ENPP6: variants seen among roughly 807,000 people sequenced by gnomAD.
ENPP6 encodes glycerophosphocholine cholinephosphodiesterase ENPP6.
Under a neutral mutation model 42.0 loss-of-function variants are expected in ENPP6, and 32 were observed. That is an observed-to-expected ratio of 0.76 (90% confidence interval 0.58 to 1.02). The LOEUF is 1.02. Among genes scored for constraint, ENPP6 ranks in the 50% least tolerant of loss-of-function variants. ENPP6 has a pLI of 0.00. For missense variants in ENPP6, 552 were observed against 566.8 expected (o/e 0.97, Z 0.27); for synonymous variants, 213 against 216.0 (o/e 0.99, Z 0.12).
At chr4:184,194,088 A>G (rs1579659092) in intron 1 of ENPP6, among the ~76,000 whole-genome samples, 3 of 152,150 alleles carry the variant, frequency 2.0e-5, no homozygotes, top group African/African-American at 7.2e-5. Context: ...GAATGTGAGC[A>G]TGGTCCCCGA....
chr4:184,112,560 T>C (rs537308947), intron 6 of ENPP6, 112 bp downstream of exon 6: 5 of 1,310,436 alleles, frequency 3.8e-6, no homozygotes, highest in Admixed American at 5.3e-5. Context: ...CAACAAACGA[T>C]GCCTAAGTGA....
intron 6 of ENPP6, among the ~76,000 whole-genome samples, chr4:184,104,233 TCCCCAGATA>T (rs568815021): frequency 1.3e-4 from 20 of 152,210 alleles, no homozygotes; most frequent in Non-Finnish European, 2.8e-4. Context: ...TGTCTTGATT[TCCCCAGATA>T]TTTTGAGTCC....
chr4:184,175,417 GT>G lies in ENPP6; in HGVS notation c.242-21685del, dbSNP rs1369415406. Among the ~76,000 whole-genome samples, 4 of 152,168 alleles carry G rather than the reference GT, an allele frequency of 2.6e-5. No individual in the cohort carries two copies. In the East Asian group the frequency reaches 7.7e-4, roughly 29 times the overall value. ...AATCACTGAATGAAAGGCAGCCATTGTTTTCATTAATGGAGAGAGCATACCT... is the reference window on the plus strand; with the variant it reads ...AATCACTGAATGAAAGGCAGCCATTGTTTCATTAATGGAGAGAGCATACCT... On this transcript the variant is annotated intron_variant, in intron 1 of 7. Transcript: ENST00000296741.
At chr4:184,200,065 C>T (rs1443525221) in intron 1 of ENPP6, among the ~76,000 whole-genome samples, 3 of 152,222 alleles carry the variant, frequency 2.0e-5, no homozygotes, top group South Asian at 4.1e-4. Context: ...CCTGCTGCTG[C>T]CCAGTGCCAC....
intron 7 of ENPP6, among the ~76,000 whole-genome samples, chr4:184,096,211 G>T (rs187071808): frequency 6.6e-6 from 1 of 152,194 alleles, no homozygotes; most frequent in Non-Finnish European, 1.5e-5. Flanking sequence ...TAGAGTGAAC[G>T]ATGGTAGGCT....
chr4:184,186,887 AC>A (rs1400169825), intron 1 of ENPP6, among the ~76,000 whole-genome samples: 1 of 151,960 alleles, frequency 6.6e-6, no homozygotes, highest in Non-Finnish European at 1.5e-5. Flanking sequence ...TTATCACACT[AC>A]CCCCCTACTC....
At chr4:184,173,315 A>G (rs1737505306) in intron 1 of ENPP6, among the ~76,000 whole-genome samples, 1 of 152,240 alleles carries the variant, frequency 6.6e-6, no homozygotes, top group Non-Finnish European at 1.5e-5. Flanking sequence ...TGGATGTTCA[A>G]CACAATATTG....
intron 2 of ENPP6, among the ~76,000 whole-genome samples, chr4:184,141,198 T>C (rs557172326): frequency 2.0e-5 from 3 of 152,314 alleles, no homozygotes; most frequent in African/African-American, 7.2e-5. Flanking sequence ...GAGTGTTGTG[T>C]GAATCCCAGG....
intron 6 of ENPP6, among the ~76,000 whole-genome samples, chr4:184,110,942 A>G (rs945794171): frequency 6.6e-6 from 1 of 152,106 alleles, no homozygotes; most frequent in East Asian, 1.9e-4. Context: ...GTGGCTGCTG[A>G]GATACCATGT....
chr4:184,155,999 T>C (rs1737153996), intron 1 of ENPP6, among the ~76,000 whole-genome samples: 1 of 152,086 alleles, frequency 6.6e-6, no homozygotes, highest in African/African-American at 2.4e-5. Context: ...TGTGCATGCA[T>C]GCACAGGTGT....
chr4:184,133,773 A>C (rs1216912057), intron 2 of ENPP6, among the ~76,000 whole-genome samples: 1 of 152,118 alleles, frequency 6.6e-6, no homozygotes, highest in East Asian at 1.9e-4. Context: ...ATTTTAATAA[A>C]TCTAGTTTAG....
At chr4:184,125,744 G>T (rs554658735) in intron 2 of ENPP6, among the ~76,000 whole-genome samples, 321 of 152,268 alleles carry the variant, frequency 2.1e-3, no homozygotes, top group Middle Eastern at 0.01. Context: ...AAAGCAGGAA[G>T]TTTCCTTTTC....
At chr4:184,092,309 G>A (rs934812913) in intron 7 of ENPP6, among the ~76,000 whole-genome samples, 1 of 152,110 alleles carries the variant, frequency 6.6e-6, no homozygotes, top group Admixed American at 6.5e-5. Context: ...CACTCTTTGG[G>A]AGCATTTTAC....
chr4:184,188,875 C>T (rs959098531), intron 1 of ENPP6, among the ~76,000 whole-genome samples: 3 of 152,098 alleles, frequency 2.0e-5, no homozygotes, highest in Admixed American at 6.5e-5. Context: ...GAAGTCAAAC[C>T]CTGGCCCTAT....
At chr4:184,141,779 AATG>A (rs1579631664) in intron 2 of ENPP6, among the ~76,000 whole-genome samples, 1 of 152,106 alleles carries the variant, frequency 6.6e-6, no homozygotes, top group Admixed American at 6.5e-5. Context: ...TAATAATAAT[AATG>A]ATGATGATAA....
intron 6 of ENPP6, among the ~76,000 whole-genome samples, chr4:184,098,080 C>G (rs74968389): frequency 0.084 from 12,696 of 150,610 alleles, 1,284 homozygotes; most frequent in African/African-American, 0.25. Context: ...CTATGTGGTG[C>G]CTCTCTAAGG....
At chr4:184,202,372 C>T (rs948300741) in intron 1 of ENPP6, among the ~76,000 whole-genome samples, 2 of 152,160 alleles carry the variant, frequency 1.3e-5, no homozygotes, top group Non-Finnish European at 2.9e-5. Context: ...ATTCAACTCT[C>T]CCCCTCACTT....
intron 3 of ENPP6, among the ~76,000 whole-genome samples, chr4:184,122,343 C>T (rs972292259): frequency 1.3e-5 from 2 of 152,030 alleles, no homozygotes; most frequent in African/African-American, 2.4e-5. Context: ...CCTGGGCTTC[C>T]GGTTCTTTGT....
At chr4:184,132,820 C>CATAT (rs1405382275) in intron 2 of ENPP6, among the ~76,000 whole-genome samples, 1 of 122,800 alleles carries the variant, frequency 8.1e-6, no homozygotes, top group Non-Finnish European at 1.7e-5. Flanking sequence ...TACATATATA[C>CATAT]ACACACACAC....
Sources: gnomAD v4.1 joint callset for allele counts (sites outside exome capture counted in the v4.1 genomes callset) on GRCh38, gnomAD v4.1.1 for gene constraint, MANE v1.5 for transcripts, NCBI Gene and HGNC (gene_info 2026-07-23, HGNC 2026-07-21) for gene names.